COG5: variants seen among roughly 807,000 people sequenced by gnomAD.
The protein encoded by COG5 is conserved oligomeric Golgi complex subunit 5.
Under a neutral mutation model 110.4 loss-of-function variants are expected in COG5, and 86 were observed. The ratio of observed to expected loss-of-function variants is 0.78; its 90% CI spans 0.65 to 0.93. COG5 has a LOEUF of 0.93. Ranked by LOEUF, COG5 falls within the 40% of genes least tolerant of loss-of-function variation. COG5 has a pLI of 0.00. For synonymous variants in COG5, 360 were observed against 334.6 expected (o/e 1.08, Z -0.83); for missense variants, 1,077 against 987.0 (o/e 1.09, Z -1.22).
intron 10 of COG5, among the ~76,000 whole-genome samples, chr7:107,325,806 T>A (rs1483746779): frequency 6.6e-6 from 1 of 152,230 alleles, no homozygotes; most frequent in East Asian, 1.9e-4. Context: ...TTTATACCTG[T>A]GTACACTTCC....
At chr7:107,273,083 T>A (rs1804413123) in intron 14 of COG5, among the ~76,000 whole-genome samples, 1 of 152,180 alleles carries the variant, frequency 6.6e-6, no homozygotes, top group African/African-American at 2.4e-5. Context: ...CATGCCTCCC[T>A]TCATACCATT....
chr7:107,491,378 C>T (rs1797964921), intron 6 of COG5, among the ~76,000 whole-genome samples: 1 of 152,038 alleles, frequency 6.6e-6, no homozygotes, highest in South Asian at 2.1e-4. Flanking sequence ...AATAAAACAC[C>T]ATTTTATCCT....
chr7:107,524,876 A>G (rs928096989), intron 6 of COG5, among the ~76,000 whole-genome samples: 3 of 152,316 alleles, frequency 2.0e-5, no homozygotes, highest in Admixed American at 1.3e-4. Context: ...ACACTGCATT[A>G]TACTAACTCA....
chr7:107,529,046 C>T (rs1010885429), intron 5 of COG5, among the ~76,000 whole-genome samples: 4 of 69,330 alleles, frequency 5.8e-5, no homozygotes, highest in Non-Finnish European at 1.0e-4. Context: ...AAAAGGAATG[C>T]CAAAGGAAAA....
rs562365083 is a variant in COG5 at position 107,467,105 on chromosome 7, G to A, written c.539-54473C>T. On this transcript the variant is annotated intron_variant, in intron 6 of 21. Coordinates refer to ENST00000297135, the MANE Select transcript of COG5 (RefSeq NM_006348.5). Reference sequence around the variant, plus strand: ...TAAAATTAGTTAGAGACTTCCCATAGGAGGAATTAAAACAGATATGCAATT... The same window carrying A: ...TAAAATTAGTTAGAGACTTCCCATAAGAGGAATTAAAACAGATATGCAATT... 2.0e-5 allele frequency among the ~76,000 whole-genome samples: 3 copies of A among 152,140 alleles called. No homozygotes were observed. In the South Asian group the frequency reaches 6.2e-4, roughly 32 times the overall value.
intron 19 of COG5, among the ~76,000 whole-genome samples, chr7:107,215,488 C>A (rs1799457092): frequency 6.6e-6 from 1 of 151,848 alleles, no homozygotes; most frequent in Admixed American, 6.6e-5. Context: ...AATGGGGAAA[C>A]CCCATCTCTA....
At chr7:107,480,085 T>C (rs1797244485) in intron 6 of COG5, among the ~76,000 whole-genome samples, 1 of 152,122 alleles carries the variant, frequency 6.6e-6, no homozygotes, top group South Asian at 2.1e-4. Context: ...TTCTAAAGGA[T>C]AATAGTAATG....
At chr7:107,490,017 A>C (rs903254718) in intron 6 of COG5, among the ~76,000 whole-genome samples, 3 of 152,190 alleles carry the variant, frequency 2.0e-5, no homozygotes, top group Admixed American at 2.0e-4. Context: ...ATTATTCTGA[A>C]ATTTTATTTA....
At chr7:107,423,421 C>CT (rs1793428197) in intron 6 of COG5, among the ~76,000 whole-genome samples, 1 of 152,036 alleles carries the variant, frequency 6.6e-6, no homozygotes, top group South Asian at 2.1e-4. Flanking sequence ...CTGAGTTGAT[C>CT]TAGAACATTA....
At chr7:107,523,956 G>C (rs1171835820) in intron 6 of COG5, among the ~76,000 whole-genome samples, 1 of 152,012 alleles carries the variant, frequency 6.6e-6, no homozygotes, top group African/African-American at 2.4e-5. Flanking sequence ...GAAATGAAAG[G>C]ATATGTTCCT....
intron 6 of COG5, among the ~76,000 whole-genome samples, chr7:107,487,959 A>G (rs895493990): frequency 6.6e-6 from 1 of 152,156 alleles, no homozygotes; most frequent in African/African-American, 2.4e-5. Flanking sequence ...TCTCAAGGTT[A>G]TATCTGTAGT....
At chr7:107,520,087 A>T (rs1340250938) in intron 6 of COG5, among the ~76,000 whole-genome samples, 1 of 152,242 alleles carries the variant, frequency 6.6e-6, no homozygotes, top group African/African-American at 2.4e-5. Context: ...CTCTGATAAA[A>T]TTCAACACAC....
At chr7:107,338,520 A>G (rs1353344120) in intron 10 of COG5, among the ~76,000 whole-genome samples, 1 of 152,176 alleles carries the variant, frequency 6.6e-6, no homozygotes, top group Non-Finnish European at 1.5e-5. Flanking sequence ...AGACTTAAAC[A>G]TAAGACCTAA....
chr7:107,530,249 C>A (rs2129159394), intron 5 of COG5, among the ~76,000 whole-genome samples: 1 of 152,296 alleles, frequency 6.6e-6, no homozygotes, highest in East Asian at 1.9e-4. Flanking sequence ...ATAGTGGTTT[C>A]TCGGCTAGCT....
chr7:107,412,172 G>C (rs546677534), intron 7 of COG5, among the ~76,000 whole-genome samples: 8 of 152,078 alleles, frequency 5.3e-5, no homozygotes, highest in African/African-American at 1.9e-4. Flanking sequence ...AATCTTACTG[G>C]GTTGTTGAAG....
chr7:107,364,912 C>A (rs1813459092), intron 8 of COG5, among the ~76,000 whole-genome samples: 1 of 151,974 alleles, frequency 6.6e-6, no homozygotes, highest in African/African-American at 2.4e-5. Flanking sequence ...CAGTGCTATG[C>A]AAAGACTATT....
At chr7:107,210,416 G>A in intron 21 of COG5, 110 bp downstream of exon 21, 1 of 1,511,466 alleles carries the variant, frequency 6.6e-7, no homozygotes. Context: ...CCACTGGAAG[G>A]TGCAGTCACA....
intron 7 of COG5, among the ~76,000 whole-genome samples, chr7:107,402,620 CA>C (rs1791518777): frequency 6.6e-6 from 1 of 152,084 alleles, no homozygotes; most frequent in Non-Finnish European, 1.5e-5. Flanking sequence ...AATAAATAAA[CA>C]AATAATGTCC....
chr7:107,412,468 T>G, intron 7 of COG5, 34 bp downstream of exon 7: 1 of 1,600,084 alleles, frequency 6.2e-7, no homozygotes, highest in Non-Finnish European at 8.5e-7. Context: ...TATGACACAT[T>G]TTTTACATTA....
Sources: gnomAD v4.1 joint callset for allele counts (sites outside exome capture counted in the v4.1 genomes callset) on GRCh38, gnomAD v4.1.1 for gene constraint, MANE v1.5 for transcripts, NCBI Gene and HGNC (gene_info 2026-07-23, HGNC 2026-07-21) for gene names.